CNTN4: variants seen among roughly 807,000 people sequenced by gnomAD.
CNTN4 encodes contactin 4, also known as contactin-4.
In CNTN4, 77 loss-of-function variants were observed where a neutral mutation model predicts 122.5. The observed-to-expected ratio is 0.63, with a 90% CI of 0.52 to 0.76. The LOEUF is 0.76. Ranked by LOEUF, CNTN4 falls within the 30% of genes least tolerant of loss-of-function variation. The pLI is 0.00. For missense variants in CNTN4, 1,256 were observed against 1,259.1 expected, an observed-to-expected ratio of 1.00 and a Z score of 0.04; for synonymous variants, 512 against 447.0, an observed-to-expected ratio of 1.15 and a Z score of -1.83.
chr3:2,115,333 C>G (rs1409967824), intron 2 of CNTN4, among the ~76,000 whole-genome samples: 1 of 152,150 alleles, frequency 6.6e-6, no homozygotes, highest in Non-Finnish European at 1.5e-5. Context: ...GCTGCTTTGT[C>G]CTCTAGTTCT....
intron 7 of CNTN4, among the ~76,000 whole-genome samples, chr3:2,845,634 A>G (rs2093443782): frequency 6.6e-6 from 1 of 152,196 alleles, no homozygotes; most frequent in Non-Finnish European, 1.5e-5. Flanking sequence ...TTTCAAGAGT[A>G]GAGATTGCAG....
intron 6 of CNTN4, among the ~76,000 whole-genome samples, chr3:2,804,526 A>G (rs1421758541): frequency 6.6e-6 from 1 of 152,214 alleles, no homozygotes; most frequent in Admixed American, 6.5e-5. Flanking sequence ...TGTGAAAAAC[A>G]CTTAGGATAA....
rs746657018 is a variant in CNTN4, at chr3:2,849,986, C to CTTTT, written c.455-16761_455-16758dup. 8.5e-5 allele frequency among the ~76,000 whole-genome samples: 12 copies of CTTTT among 140,716 alleles called. 2 individuals carry two copies. The highest frequency in any genetic ancestry group is 2.3e-4 in the South Asian group (1 of 4,396). The allele number at this position is 140,716 out of a possible 152,430, so 92.3% of individuals were successfully genotyped here. A position where few individuals can be genotyped will look rare whatever the true frequency, so the allele number is the denominator to read the frequency against. ...CCATTTTGGAAAATGTTAGCAATCACTTTTTTTTCTTTTTTTTTTCTGAGA... is the reference window on the plus strand; with the variant it reads ...CCATTTTGGAAAATGTTAGCAATCACTTTTTTTTTTTTCTTTTTTTTTTCTGAGA... On this transcript the variant is annotated intron_variant, in intron 7 of 24. Transcript: ENST00000418658.
chr3:2,816,893 A>G (rs2092747465), intron 6 of CNTN4, among the ~76,000 whole-genome samples: 1 of 151,888 alleles, frequency 6.6e-6, no homozygotes, highest in Non-Finnish European at 1.5e-5. Context: ...ACTGAAGGAA[A>G]AAAATTTAAT....
chr3:2,726,816 G>A (rs2088259009), intron 4 of CNTN4, among the ~76,000 whole-genome samples: 1 of 152,108 alleles, frequency 6.6e-6, no homozygotes, highest in Admixed American at 6.6e-5. Context: ...ACCCTGATGT[G>A]AACTGTGGGC....
At chr3:2,546,613 CAT>C (rs1339631508) in intron 3 of CNTN4, among the ~76,000 whole-genome samples, 5 of 152,016 alleles carry the variant, frequency 3.3e-5, no homozygotes, top group Non-Finnish European at 7.4e-5. Flanking sequence ...ACCTATGTAA[CAT>C]GTTTGTTAAC....
intron 8 of CNTN4, among the ~76,000 whole-genome samples, chr3:2,873,969 T>G (rs2093815093): frequency 6.6e-6 from 1 of 152,234 alleles, no homozygotes; most frequent in Admixed American, 6.5e-5. Flanking sequence ...TTGATTTTAA[T>G]TCTCTGACAA....
intron 3 of CNTN4, among the ~76,000 whole-genome samples, chr3:2,398,805 G>T (rs1005534577): frequency 6.6e-6 from 1 of 152,134 alleles, no homozygotes; most frequent in Non-Finnish European, 1.5e-5. Flanking sequence ...AAATGATGGG[G>T]CTCATTCTCC....
At chr3:2,164,937 A>G (rs2036132333) in intron 2 of CNTN4, among the ~76,000 whole-genome samples, 1 of 152,220 alleles carries the variant, frequency 6.6e-6, no homozygotes, top group African/African-American at 2.4e-5. Flanking sequence ...GAGTCAAAAT[A>G]TATCACAAAT....
intron 3 of CNTN4, among the ~76,000 whole-genome samples, chr3:2,535,008 C>G (rs9857099): frequency 0.39 from 59,111 of 151,914 alleles, 11,646 homozygotes; most frequent in East Asian, 0.55. Flanking sequence ...TGCTTCAGCT[C>G]TAAAGGACCT....
intron 6 of CNTN4, among the ~76,000 whole-genome samples, chr3:2,754,553 A>G (rs1364057179): frequency 3.9e-5 from 6 of 152,096 alleles, no homozygotes; most frequent in East Asian, 1.9e-4. Flanking sequence ...TTCATGCCCT[A>G]CATCTCTACC....
At chr3:2,677,112 A>T (rs1320334803) in intron 4 of CNTN4, among the ~76,000 whole-genome samples, 1 of 150,606 alleles carries the variant, frequency 6.6e-6, no homozygotes, top group Non-Finnish European at 1.5e-5. Context: ...CTATAGATAG[A>T]TAGATAGATC....
At chr3:2,165,377 C>T (rs1302391782) in intron 2 of CNTN4, among the ~76,000 whole-genome samples, 2 of 151,424 alleles carry the variant, frequency 1.3e-5, no homozygotes, top group Non-Finnish European at 2.9e-5. Context: ...CTTTCCCCAG[C>T]TTTATTGAAG....
rs542653732 is a variant in CNTN4 at position 2,617,705 on chromosome 3, G to A, written c.55+46147G>A. Among the ~76,000 whole-genome samples, 102 of 152,164 alleles carry A rather than the reference G, an allele frequency of 6.7e-4. 1 individual carries two copies. Among genetic ancestry groups the A allele is most frequent in the African/African-American group, 2.4e-3 (101 of 41,508 alleles). On this transcript the variant is annotated intron_variant, in intron 4 of 24. Coordinates refer to ENST00000418658, the MANE Select transcript of CNTN4 (RefSeq NM_175607.3). ...CAAAGTGCTGGGATTACAGGTGTGAGCCACTGGTGGCCGACCCGAGAAATG... is the reference window on the plus strand; with the variant it reads ...CAAAGTGCTGGGATTACAGGTGTGAACCACTGGTGGCCGACCCGAGAAATG...
chr3:2,416,990 GTTTAGC>G (rs2047441343), intron 3 of CNTN4, among the ~76,000 whole-genome samples: 1 of 152,158 alleles, frequency 6.6e-6, no homozygotes, highest in Non-Finnish European at 1.5e-5. Flanking sequence ...GAGTTACTTT[GTTTAGC>G]AGAAGTCTCA....
intron 2 of CNTN4, among the ~76,000 whole-genome samples, chr3:2,208,743 C>G (rs2038475369): frequency 6.6e-6 from 1 of 152,096 alleles, no homozygotes; most frequent in Non-Finnish European, 1.5e-5. Flanking sequence ...TGACCCCAAA[C>G]CTTTAGCAAA....
chr3:3,030,357 T>G (rs2125671112), intron 15 of CNTN4, among the ~76,000 whole-genome samples: 1 of 152,324 alleles, frequency 6.6e-6, no homozygotes, highest in African/African-American at 2.4e-5. Context: ...GAGAATCTGG[T>G]CTTCCTAATC....
At chr3:2,450,367 A>T (rs1233910458) in intron 3 of CNTN4, among the ~76,000 whole-genome samples, 2 of 148,418 alleles carry the variant, frequency 1.3e-5, no homozygotes, top group Admixed American at 6.7e-5. Flanking sequence ...ACTCTGTCTC[A>T]AAATAAATAA....
At chr3:2,785,134 C>T (rs2874403) in intron 6 of CNTN4, among the ~76,000 whole-genome samples, 4 of 121,572 alleles carry the variant, frequency 3.3e-5, no homozygotes, top group South Asian at 3.2e-4. Context: ...CACACACACA[C>T]ACACATATAT....
Sources: gnomAD v4.1 joint callset for allele counts (sites outside exome capture counted in the v4.1 genomes callset) on GRCh38, gnomAD v4.1.1 for gene constraint, MANE v1.5 for transcripts, NCBI Gene and HGNC (gene_info 2026-07-23, HGNC 2026-07-21) for gene names.